Variants in GABRB2 observed in about 807,000 individuals in gnomAD.
GABRB2 encodes the protein gamma-aminobutyric acid receptor subunit beta-2.
A neutral mutation model predicts 54.7 loss-of-function variants in GABRB2; 16 were observed. That is an observed-to-expected ratio of 0.29 (90% CI 0.20 to 0.44). The LOEUF (loss-of-function observed/expected upper bound fraction) is 0.44, where lower values mean the gene tolerates loss of function less well. GABRB2 is among the 20% of genes least tolerant of loss of function. The pLI, the probability that GABRB2 is intolerant of heterozygous loss-of-function variation, is 1.00. For synonymous variants in GABRB2, 244 were observed against 233.8 expected, an observed-to-expected ratio of 1.04 and a Z score of -0.40; for missense variants, 355 against 644.0, an observed-to-expected ratio of 0.55 and a Z score of 4.86.
chr5:161,394,524 AC>A (rs1343553249), intron 5 of GABRB2, among the ~76,000 whole-genome samples: 2 of 152,094 alleles, frequency 1.3e-5, no homozygotes, highest in African/African-American at 4.8e-5. Flanking sequence ...ATTGCCACAG[AC>A]ACTATAGACA....
intron 5 of GABRB2, among the ~76,000 whole-genome samples, chr5:161,349,468 T>C (rs889188049): frequency 1.2e-4 from 18 of 152,194 alleles, no homozygotes; most frequent in African/African-American, 4.1e-4. Flanking sequence ...CACAAATTCT[T>C]TGATAGCCCA....
intron 3 of GABRB2, among the ~76,000 whole-genome samples, chr5:161,510,681 G>A (rs1457274923): frequency 2.0e-5 from 3 of 151,746 alleles, no homozygotes; most frequent in Non-Finnish European, 4.4e-5. Flanking sequence ...TGTCACCCAG[G>A]CTGTAGTGCA....
At chr5:161,472,480 A>G (rs1758471042) in intron 3 of GABRB2, among the ~76,000 whole-genome samples, 1 of 150,728 alleles carries the variant, frequency 6.6e-6, no homozygotes. Context: ...ACAGTCATAT[A>G]CTAGAACTAT....
intron 5 of GABRB2, among the ~76,000 whole-genome samples, chr5:161,343,030 C>T (rs1754217416): frequency 6.6e-6 from 1 of 152,052 alleles, no homozygotes; most frequent in South Asian, 2.1e-4. Flanking sequence ...AGGTACAGGA[C>T]TGAGCGCAGT....
At chr5:161,500,907 A>G (rs1410998975) in intron 3 of GABRB2, among the ~76,000 whole-genome samples, 1 of 152,116 alleles carries the variant, frequency 6.6e-6, no homozygotes, top group Non-Finnish European at 1.5e-5. Context: ...AAATGTATAC[A>G]TGTTCCATGC....
At chr5:161,373,703 G>T (rs992716584) in intron 5 of GABRB2, among the ~76,000 whole-genome samples, 2 of 152,122 alleles carry the variant, frequency 1.3e-5, no homozygotes, top group African/African-American at 4.8e-5. Flanking sequence ...CCCAGCTCTA[G>T]CCTCTGTGCA....
intron 7 of GABRB2, 52 bp from the exon 8 acceptor site, chr5:161,331,179 T>C (rs778669441): frequency 6.7e-7 from 1 of 1,499,198 alleles, no homozygotes. Flanking sequence ...TCTTTTCTTC[T>C]TTCTTAATAG....
At chr5:161,476,096 A>T (rs1758583621) in intron 3 of GABRB2, among the ~76,000 whole-genome samples, 2 of 152,018 alleles carry the variant, frequency 1.3e-5, no homozygotes, top group Admixed American at 1.3e-4. Context: ...GCCAAGTTGC[A>T]GAACACAAAG....
chr5:161,301,105 C>G, intron 9 of GABRB2, among the ~76,000 whole-genome samples: 1 of 152,164 alleles, frequency 6.6e-6, no homozygotes, highest in Non-Finnish European at 1.5e-5. Flanking sequence ...CGGAGTTACA[C>G]AGTAAGCAAT....
At chr5:161,318,357 T>G (rs539492063) in intron 9 of GABRB2, among the ~76,000 whole-genome samples, 2 of 152,128 alleles carry the variant, frequency 1.3e-5, no homozygotes, top group East Asian at 1.9e-4. Context: ...CTGCCTATTT[T>G]TAGAAAAATA....
intron 3 of GABRB2, among the ~76,000 whole-genome samples, chr5:161,506,728 T>C (rs1336606761): frequency 3.3e-5 from 5 of 151,976 alleles, no homozygotes; most frequent in Non-Finnish European, 5.9e-5. Flanking sequence ...AAGGTAGTGG[T>C]GCTGGAAAAA....
intron 3 of GABRB2, among the ~76,000 whole-genome samples, chr5:161,468,607 A>T (rs545619310): frequency 1.3e-5 from 2 of 152,102 alleles, no homozygotes; most frequent in Admixed American, 1.3e-4. Flanking sequence ...AGTTAATAAC[A>T]TTCATTTATT....
chr5:161,300,113 C>T (rs1450331751), intron 9 of GABRB2, among the ~76,000 whole-genome samples: 1 of 152,072 alleles, frequency 6.6e-6, no homozygotes, highest in Non-Finnish European at 1.5e-5. Context: ...AGCAAAATTA[C>T]AAGGTCAAGA....
At chr5:161,308,972 C>T (rs989751846) in intron 9 of GABRB2, among the ~76,000 whole-genome samples, 1 of 152,120 alleles carries the variant, frequency 6.6e-6, no homozygotes, top group Non-Finnish European at 1.5e-5. Context: ...ATGATGAAGA[C>T]ACCAAAAGCA....
At chr5:161,510,266 C>A (rs527880423) in intron 3 of GABRB2, among the ~76,000 whole-genome samples, 4 of 151,692 alleles carry the variant, frequency 2.6e-5, no homozygotes, top group Admixed American at 2.6e-4. Flanking sequence ...ACCTCCCCAG[C>A]CTCTAGTAAT....
chr5:161,375,506 G>A (rs1346911850), intron 5 of GABRB2, among the ~76,000 whole-genome samples: 1 of 152,066 alleles, frequency 6.6e-6, no homozygotes, highest in Non-Finnish European at 1.5e-5. Flanking sequence ...GCCTTATGGT[G>A]GTTTGTCTTT....
At chr5:161,342,843 A>G (rs142717938) in intron 5 of GABRB2, among the ~76,000 whole-genome samples, 24 of 152,224 alleles carry the variant, frequency 1.6e-4, no homozygotes, top group African/African-American at 5.5e-4. Flanking sequence ...ACATAGAGAT[A>G]GAATTATCTT....
Position 161,522,761 on chromosome 5 carries a change from G to T in GABRB2, c.237+22466C>A, listed in dbSNP as rs2113434906. ...GTAGGTGTATCAGGTTTAAAATCTGGGTGTCCTGAATCGTAGCCCAGTGTC... is the reference window on the plus strand; with the variant it reads ...GTAGGTGTATCAGGTTTAAAATCTGTGTGTCCTGAATCGTAGCCCAGTGTC... On this transcript the variant is annotated intron_variant, in intron 3 of 9. Transcript: ENST00000393959. Among the ~76,000 whole-genome samples, 3 of 151,418 alleles carry T rather than the reference G, an allele frequency of 2.0e-5. No individual in the cohort carries two copies. In the Middle Eastern group the frequency reaches 0.01, roughly 515 times the overall value.
intron 5 of GABRB2, among the ~76,000 whole-genome samples, chr5:161,408,790 G>C (rs527738740): frequency 2.0e-5 from 3 of 152,054 alleles, no homozygotes; most frequent in Middle Eastern, 3.4e-3. Context: ...GCTGAGATGG[G>C]AAAGATGAGA....
Sources: allele counts gnomAD v4.1 joint callset (sites outside exome capture counted in the v4.1 genomes callset), GRCh38; gene constraint gnomAD v4.1.1; transcripts MANE v1.5; gene names NCBI Gene and HGNC (gene_info 2026-07-23, HGNC 2026-07-21).